Variants in RASSF4 observed in about 807,000 individuals in gnomAD.
The protein encoded by RASSF4 is Ras association domain family member 4, also known as ras association domain-containing protein 4.
RASSF4 carries 38 observed loss-of-function variants against 41.1 expected under a neutral mutation model. The ratio of observed to expected loss-of-function variants is 0.92; its 90% CI spans 0.71 to 1.21. The LOEUF (loss-of-function observed/expected upper bound fraction) is 1.21. Ranked by LOEUF, RASSF4 falls within the 50% of genes most tolerant of loss-of-function variation. The pLI is 0.00. For synonymous variants in RASSF4, 179 were observed against 163.4 expected, an observed-to-expected ratio of 1.10 and a Z score of -0.73; for missense variants, 414 against 419.4, an observed-to-expected ratio of 0.99 and a Z score of 0.11.
rs534392689 is a variant in RASSF4, at chr10:44,984,714, C to T, written c.374-99C>T. The T allele has an allele frequency of 2.7e-4, 365 of 1,373,684 alleles. 2 individuals carry two copies. The highest frequency in any genetic ancestry group is 9.4e-4 in the Middle Eastern group (5 of 5,332). The allele number at this position is 1,373,684 out of a possible 1,614,324, so 85.1% of individuals were successfully genotyped here. ...TCACGTCCCCATCTGCCCCAGTGCA[C>T]GTGACCACAGGGCTCTAGGGTGCCA... On this transcript the variant is annotated intron_variant, in intron 5 of 10. Transcript: ENST00000340258.
In RASSF4 at chr10:44,971,843, C is replaced by G. The variant is rs773274560; in HGVS notation, c.133C>G (p.Arg45Gly). The G allele has an allele frequency of 1.9e-6, 3 of 1,609,034 alleles. No homozygotes were observed. Among genetic ancestry groups the G allele is most frequent in the Non-Finnish European group, 2.6e-6 (3 of 1,176,122 alleles). ...GGGCAAGAGCTTCCAGCTGAGACAC[C>G]GTGAGGTGAGCCTGTTGCTCTTGTT... is the stretch of plus-strand genomic sequence containing the variant. ...HEGKSFQLRH[R>G]EEEGTLIIEG... is the part of the protein sequence containing the mutation. Residue 45 changes from arginine to glycine, a missense_variant, in exon 3 of 11, where the codon CGT (arginine) becomes GGT (glycine). Coordinates refer to ENST00000340258, the MANE Select transcript of RASSF4 (RefSeq NM_032023.4).
At chr10:44,985,099 C>A (rs1841871693) in intron 6 of RASSF4, 129 bp downstream of exon 6, 1 of 1,011,982 alleles carries the variant, frequency 9.9e-7, no homozygotes, top group Non-Finnish European at 1.5e-6. Flanking sequence ...AACCAGGTTG[C>A]ATCCACATAA....
At chr10:44,967,278 C>T (rs768903506) in intron 1 of RASSF4, among the ~76,000 whole-genome samples, 17 of 152,216 alleles carry the variant, frequency 1.1e-4, no homozygotes, top group Non-Finnish European at 1.5e-4. Flanking sequence ...GAGGGTTGTG[C>T]ACTGGCTCTT....
chr10:44,970,094 G>C, intron 1 of RASSF4, 71 bp from the exon 2 acceptor site: 2 of 862,952 alleles, frequency 2.3e-6, no homozygotes, highest in East Asian at 2.4e-5. Flanking sequence ...CCAGGGCTGC[G>C]GGTGTTGGGT....
At chr10:44,961,643 A>G (rs1305722212) in intron 1 of RASSF4, among the ~76,000 whole-genome samples, 1 of 152,218 alleles carries the variant, frequency 6.6e-6, no homozygotes, top group East Asian at 1.9e-4. Context: ...TCTTTTCATT[A>G]TGGGTGAGCC....
At chr10:44,984,234 C>T in intron 5 of RASSF4, 121 bp downstream of exon 5, 2 of 940,744 alleles carry the variant, frequency 2.1e-6, no homozygotes, top group Non-Finnish European at 3.1e-6. Context: ...AGGGGCTTCA[C>T]CTGCTGGACC....
rs1212011495 is a variant in RASSF4, at chr10:44,982,744, C to T, written c.281+81C>T. 4.1e-6 allele frequency: 6 copies of T among 1,479,706 alleles called. No individual in the cohort carries two copies. The Admixed American group carries it at 1.3e-4, about 32-fold the overall frequency. 91.7% of individuals were successfully genotyped at this position (1,479,706 alleles called of 1,614,324 possible). A position where few individuals can be genotyped will look rare whatever the true frequency, so the allele number is the denominator to read the frequency against. ...ATATCCCGAGCCTCAGGGTGGGAGC[C>T]CTGTTCCCTTATGGGACACTGGCAC... On this transcript the variant is annotated intron_variant, in intron 4 of 10. Transcript: ENST00000340258.
chr10:44,992,753 C>T (rs1182300377), intron 10 of RASSF4, among the ~76,000 whole-genome samples: 1 of 152,166 alleles, frequency 6.6e-6, no homozygotes, highest in African/African-American at 2.4e-5. Flanking sequence ...TGGAAAGCCA[C>T]ATCCTCCACA....
Position 44,993,687 on chromosome 10 carries a change from C to G in RASSF4, c.*358C>G. On this transcript the variant is annotated 3_prime_UTR_variant, in exon 11 of 11. Transcript: ENST00000340258. ...TGCCTGTCCCAGAGCCCCTGTGGGT[C>G]CACAAGCCCCTGTCCTCTTCCTTCA... 1 of 240,488 alleles carries G rather than the reference C, an allele frequency of 4.2e-6. No homozygotes were observed. Among genetic ancestry groups the G allele is most frequent in the South Asian group, 1.0e-4 (1 of 9,612 alleles). 14.9% of individuals were successfully genotyped at this position (240,488 alleles called of 1,614,324 possible).
intron 2 of RASSF4, 62 bp downstream of exon 2, chr10:44,970,326 G>A (rs1051691373): frequency 9.2e-6 from 13 of 1,417,624 alleles, no homozygotes; most frequent in Non-Finnish European, 1.3e-5. Flanking sequence ...CCTCATCCTG[G>A]GCAGCCTTTA....
chr10:44,989,747 C>G (rs372703051), intron 8 of RASSF4, 26 bp downstream of exon 8: 9 of 1,608,792 alleles, frequency 5.6e-6, no homozygotes, highest in South Asian at 2.2e-5. Context: ...ACTTCTGGAT[C>G]GTAAAAGCAA....
intron 6 of RASSF4, among the ~76,000 whole-genome samples, chr10:44,986,361 C>T (rs1298571260): frequency 1.3e-5 from 2 of 152,194 alleles, no homozygotes; most frequent in African/African-American, 4.8e-5. Context: ...CTCTGCATGT[C>T]CTGAGCACTC....
intron 3 of RASSF4, among the ~76,000 whole-genome samples, chr10:44,979,564 G>A (rs888953071): frequency 6.6e-6 from 1 of 152,194 alleles, no homozygotes; most frequent in African/African-American, 2.4e-5. Context: ...CACAGGTACA[G>A]TGGTCAGGGG....
At position 44,982,643 on chromosome 10, in the gene RASSF4, C is replaced by T; in HGVS notation, c.261C>T (p.Pro87=). The change falls in exon 4 of 11, where the codon CCC becomes CCT. Residue 87 remains proline, a synonymous_variant. Transcript: ENST00000340258. ...QVHLPSTSWM[P]RRPSCPLKEP... is the part of the protein sequence containing the mutation. The stretch of plus-strand genomic sequence containing the variant: ...ACCTCCCCTCCACCTCATGGATGCC[C>T]AGACGGCCTAGCTGCCCTCTGTGAG... The T allele has an allele frequency of 1.2e-6, 2 of 1,613,324 alleles. No individual in the cohort carries two copies. Among genetic ancestry groups the T allele is most frequent in the East Asian group, 2.2e-5 (1 of 44,848 alleles).
At chr10:44,983,520 TCCCCTGGGCTACAGGGCTGTG>T (rs1841800198) in intron 4 of RASSF4, 1 of 170,032 alleles carries the variant, frequency 5.9e-6, no homozygotes, top group Admixed American at 5.8e-5. Context: ...CTTCCCCAGG[TCCCCTGGGCTACAGGGCTGTG>T]CCCCATCATA....
At chr10:44,966,089 A>G (rs924660673) in intron 1 of RASSF4, among the ~76,000 whole-genome samples, 2 of 152,290 alleles carry the variant, frequency 1.3e-5, no homozygotes, top group Middle Eastern at 3.4e-3. Context: ...TACATTTTCT[A>G]TTTGAACAAA....
Position 44,989,650 on chromosome 10 carries a change from TC to T in RASSF4, c.634-18del. On this transcript the variant is annotated intron_variant, in intron 7 of 10. Transcript: ENST00000340258. ...CATCTCCAAGCACCGTGATCTGACT[TC>T]CTGTGACTGCCTGTGCAGGTGGAAG... 1 of 1,613,624 alleles carries T rather than the reference TC, an allele frequency of 6.2e-7. No individual in the cohort carries two copies. The highest frequency in any genetic ancestry group is 8.5e-7 in the Non-Finnish European group (1 of 1,179,512).
chr10:44,977,442 T>G (rs757377258), intron 3 of RASSF4: 1 of 1,610,898 alleles, frequency 6.2e-7, no homozygotes, highest in East Asian at 2.2e-5. Flanking sequence ...CTGAGGACAC[T>G]GCTGGGGCGG....
At chr10:44,974,427 T>C (rs10900149) in intron 3 of RASSF4, among the ~76,000 whole-genome samples, 102,833 of 152,228 alleles carry the variant, frequency 0.68, 34,935 homozygotes, top group Admixed American at 0.76. Flanking sequence ...GTGCTGGCCA[T>C]GGCCCCAAGC....
Sources: allele counts gnomAD v4.1 joint callset (sites outside exome capture counted in the v4.1 genomes callset), GRCh38; gene constraint gnomAD v4.1.1; transcripts MANE v1.5; gene names NCBI Gene and HGNC (gene_info 2026-07-23, HGNC 2026-07-21).